ABCA12: variants seen among roughly 807,000 people sequenced by gnomAD.
ABCA12 encodes the protein glucosylceramide transporter ABCA12.
A neutral mutation model predicts 293.5 loss-of-function variants in ABCA12; 156 were observed. The ratio of observed to expected loss-of-function variants is 0.53; its 90% confidence interval spans 0.47 to 0.61. The LOEUF (loss-of-function observed/expected upper bound fraction) is 0.61, where lower values mean the gene tolerates loss of function less well. Ranked by LOEUF, ABCA12 falls within the 20% of genes least tolerant of loss-of-function variation. The pLI, the probability that ABCA12 is intolerant of heterozygous loss-of-function variation, is 0.00. For missense variants in ABCA12, 2,797 were observed against 3,090.2 expected, an observed-to-expected ratio of 0.91 and a Z score of 2.25; for synonymous variants, 1,063 against 1,108.0, an observed-to-expected ratio of 0.96 and a Z score of 0.81.
chr2:215,091,462 T>C (rs1176356084), intron 2 of ABCA12, among the ~76,000 whole-genome samples: 1 of 152,144 alleles, frequency 6.6e-6, no homozygotes, highest in Non-Finnish European at 1.5e-5. Context: ...CCAAATCAGT[T>C]AGTGTTTAGG....
intron 19 of ABCA12, among the ~76,000 whole-genome samples, chr2:215,006,710 C>A (rs1700258751): frequency 6.6e-6 from 1 of 152,058 alleles, no homozygotes; most frequent in Non-Finnish European, 1.5e-5. Context: ...GATATGCAAG[C>A]CAGTCTCTTG....
At chr2:215,064,532 GA>G (rs371213036) in intron 2 of ABCA12, among the ~76,000 whole-genome samples, 2 of 152,134 alleles carry the variant, frequency 1.3e-5, no homozygotes, top group African/African-American at 4.8e-5. Context: ...ATGTTTGCCA[GA>G]ATGTTTTAAA....
intron 1 of ABCA12, among the ~76,000 whole-genome samples, chr2:215,123,118 C>T (rs1488650316): frequency 6.6e-6 from 1 of 152,138 alleles, no homozygotes; most frequent in Non-Finnish European, 1.5e-5. Flanking sequence ...TGATTTCATT[C>T]TTTTTTATGG....
At chr2:215,114,460 G>A (rs1702645712) in intron 1 of ABCA12, among the ~76,000 whole-genome samples, 1 of 152,096 alleles carries the variant, frequency 6.6e-6, no homozygotes, top group Admixed American at 6.5e-5. Flanking sequence ...TATTCTCTGG[G>A]TGCAGAAAGT....
At position 214,982,320 on chromosome 2, in the gene ABCA12, G is replaced by A; in HGVS notation, c.4446C>T (p.Gly1482=). 1 of 1,614,018 alleles carries A rather than the reference G, an allele frequency of 6.2e-7. No individual in the cohort carries two copies. Among genetic ancestry groups the A allele is most frequent in the Non-Finnish European group, 8.5e-7 (1 of 1,179,972 alleles). Residue 1482 remains glycine (G), a synonymous_variant, in exon 30 of 53, where the codon GGC becomes GGT. Coordinates refer to ENST00000272895, the MANE Select transcript of ABCA12 (RefSeq NM_173076.3). ...RHKRVGTLSG[G]MKRKLSISIA... ...TGGATATAGATAACTTCCTCTTCAT[G>A]CCTCCTGACAGTGTTCCAACTCTCT...
At chr2:215,099,459 C>T (rs559390754) in intron 2 of ABCA12, among the ~76,000 whole-genome samples, 2 of 152,338 alleles carry the variant, frequency 1.3e-5, no homozygotes, top group East Asian at 3.9e-4. Flanking sequence ...TTTTAGGAAG[C>T]CAAGGCGGGC....
chr2:214,950,831 T>C, intron 45 of ABCA12, 48 bp downstream of exon 45: 2 of 1,578,814 alleles, frequency 1.3e-6, no homozygotes, highest in Non-Finnish European at 1.7e-6. Flanking sequence ...ATTTGTCACA[T>C]AGTATGCCAA....
chr2:214,934,352 G>C, intron 51 of ABCA12, 137 bp from the exon 52 acceptor site: 3 of 1,014,920 alleles, frequency 3.0e-6, no homozygotes, highest in Non-Finnish European at 4.6e-6. Context: ...TAAATAACGA[G>C]TATATTTTGA....
chr2:214,982,062 T>G, intron 30 of ABCA12, 125 bp downstream of exon 30: 1 of 937,874 alleles, frequency 1.1e-6, no homozygotes, highest in Non-Finnish European at 1.7e-6. Context: ...TCCTCCTGTC[T>G]TGGCCTCCCA....
intron 2 of ABCA12, among the ~76,000 whole-genome samples, chr2:215,090,926 C>A (rs183937077): frequency 1.8e-3 from 268 of 152,306 alleles, no homozygotes; most frequent in Non-Finnish European, 2.8e-3. Context: ...TTATTTGCTT[C>A]TGCAACACCA....
intron 7 of ABCA12, among the ~76,000 whole-genome samples, chr2:215,042,946 G>C (rs79996613): frequency 0.013 from 1,914 of 152,122 alleles, 32 homozygotes; most frequent in African/African-American, 0.044. Flanking sequence ...TGTAGTATTT[G>C]TCTTTCTGTG....
chr2:215,110,672 T>G (rs915408345), intron 2 of ABCA12, among the ~76,000 whole-genome samples: 13 of 152,254 alleles, frequency 8.5e-5, no homozygotes, highest in African/African-American at 3.1e-4. Flanking sequence ...ATGGTTCTCA[T>G]CTGATTTCTT....
chr2:215,049,645 A>T lies in ABCA12; in HGVS notation c.674T>A (p.Leu225Gln). 1.2e-6 allele frequency: 2 copies of T among 1,613,418 alleles called. No individual in the cohort carries two copies. Among genetic ancestry groups the T allele is most frequent in the South Asian group, 2.2e-5 (2 of 91,060 alleles). ...MTLLESSLQE[L>Q]NKQFSQLSSD... ...ACTCACCTGGGAGAACTGTTTGTTT[A>T]GTTCTTGGAGAGAAGACTCTAAAAG... The change falls in exon 6 of 53, where the codon CTA (leucine) becomes CAA (glutamine). Residue 225 changes from leucine (L) to glutamine (Q), a missense_variant. By Grantham distance (113) the Leu-to-Gln change is moderately radical. Coordinates refer to ENST00000272895, the MANE Select transcript of ABCA12 (RefSeq NM_173076.3).
chr2:215,114,258 T>C (rs558180524), intron 1 of ABCA12, among the ~76,000 whole-genome samples: 11 of 152,196 alleles, frequency 7.2e-5, no homozygotes, highest in South Asian at 2.1e-4. Context: ...CAGGCGTTAG[T>C]CACCGCACCC....
intron 23 of ABCA12, among the ~76,000 whole-genome samples, chr2:214,993,441 C>T (rs1160021142): frequency 2.0e-5 from 3 of 152,134 alleles, no homozygotes; most frequent in Non-Finnish European, 4.4e-5. Flanking sequence ...GTACCCTACC[C>T]CATTTGAAAA....
chr2:214,968,087 C>T lies in ABCA12; in HGVS notation c.5778+633G>A, dbSNP rs139944212. Among the ~76,000 whole-genome samples, 1,454 of 152,096 alleles carry T rather than the reference C, an allele frequency of 9.6e-3. 21 individuals carry two copies. Among genetic ancestry groups the T allele is most frequent in the African/African-American group, 0.033 (1,370 of 41,514 alleles). On this transcript the variant is annotated intron_variant, in intron 38 of 52. Transcript: ENST00000272895. ...CATTTTCATTTCTAAATAGTTTTGACGTATACACAAGAAAAGTGCAGGTAA... is the reference window on the plus strand; with the variant it reads ...CATTTTCATTTCTAAATAGTTTTGATGTATACACAAGAAAAGTGCAGGTAA...
intron 1 of ABCA12, among the ~76,000 whole-genome samples, chr2:215,132,934 C>G (rs1170181912): frequency 2.0e-5 from 3 of 151,902 alleles, no homozygotes; most frequent in East Asian, 3.9e-4. Flanking sequence ...ATGACAAATT[C>G]TCTTAGTGTT....
At chr2:215,019,504 G>T (rs1700577728) in intron 12 of ABCA12, 36 bp downstream of exon 12, 1 of 1,613,860 alleles carries the variant, frequency 6.2e-7, no homozygotes, top group African/African-American at 1.3e-5. Context: ...TTTTGAAAGA[G>T]ATTTCACCAA....
At chr2:215,137,484 T>C (rs966911909) in intron 1 of ABCA12, among the ~76,000 whole-genome samples, 49 of 152,168 alleles carry the variant, frequency 3.2e-4, no homozygotes, top group African/African-American at 1.2e-3. Context: ...ACTTTGTAAT[T>C]AGAACGCAAA....
Sources: allele counts gnomAD v4.1 joint callset (sites outside exome capture counted in the v4.1 genomes callset), GRCh38; gene constraint gnomAD v4.1.1; transcripts MANE v1.5; gene names NCBI Gene and HGNC (gene_info 2026-07-23, HGNC 2026-07-21).